Variants in ADGRL2 observed in about 807,000 individuals in gnomAD.
ADGRL2 encodes the protein calcium-independent alpha-latrotoxin receptor 2.
Under a neutral mutation model 157.4 loss-of-function variants are expected in ADGRL2, and 44 were observed. The observed-to-expected ratio is 0.28, with a 90% confidence interval of 0.22 to 0.36. The LOEUF is 0.36. Among genes scored for constraint, ADGRL2 ranks in the 10% least tolerant of loss-of-function variants. The pLI, the probability that ADGRL2 is intolerant of heterozygous loss-of-function variation, is 1.00. For synonymous variants in ADGRL2, 585 were observed against 624.7 expected (o/e 0.94, Z 0.95); for missense variants, 1,510 against 1,768.9 (o/e 0.85, Z 2.63).
At chr1:81,576,345 CTT>C (rs2080797626) in intron 2 of ADGRL2, among the ~76,000 whole-genome samples, 1 of 152,114 alleles carries the variant, frequency 6.6e-6, no homozygotes, top group Non-Finnish European at 1.5e-5. Context: ...TTCTTTCTCT[CTT>C]TATTTATTTT....
At chr1:81,328,162 G>A (rs1374368717) in intron 1 of ADGRL2, among the ~76,000 whole-genome samples, 2 of 152,174 alleles carry the variant, frequency 1.3e-5, no homozygotes, top group African/African-American at 4.8e-5. Context: ...CCTTTCAGAA[G>A]AGACTGAGTG....
At chr1:81,887,982 G>A (rs916175932) in intron 2 of ADGRL2, among the ~76,000 whole-genome samples, 3 of 151,976 alleles carry the variant, frequency 2.0e-5, no homozygotes, top group African/African-American at 7.3e-5. Flanking sequence ...TGGATACTTT[G>A]GCTGTGGCTA....
intron 2 of ADGRL2, among the ~76,000 whole-genome samples, chr1:81,564,979 T>C (rs2080526942): frequency 6.6e-6 from 1 of 152,112 alleles, no homozygotes. Context: ...TGATAAGGAG[T>C]CATCTAGCAC....
At chr1:81,697,908 T>C (rs948798109), upstream of ADGRL2, among the ~76,000 whole-genome samples, 1 of 152,156 alleles carries the variant, frequency 6.6e-6, no homozygotes, top group Admixed American at 6.5e-5. Flanking sequence ...AAGGCAGGCA[T>C]CAGTACCCAT....
intron 1 of ADGRL2, among the ~76,000 whole-genome samples, chr1:81,727,305 T>A (rs2084563946): frequency 6.6e-6 from 1 of 152,190 alleles, no homozygotes; most frequent in African/African-American, 2.4e-5. Flanking sequence ...AAATAAAAAT[T>A]ATCTATAATC....
At chr1:81,385,043 C>T (rs1042002396) in intron 1 of ADGRL2, among the ~76,000 whole-genome samples, 3 of 152,110 alleles carry the variant, frequency 2.0e-5, no homozygotes, top group Middle Eastern at 3.2e-3. Context: ...GTTCTACATA[C>T]GTTGCCTGTA....
At chr1:81,519,805 G>C (rs1469134630) in intron 2 of ADGRL2, among the ~76,000 whole-genome samples, 2 of 151,938 alleles carry the variant, frequency 1.3e-5, no homozygotes, top group Non-Finnish European at 2.9e-5. Flanking sequence ...CTTCTTTATT[G>C]CCAAGGAGCC....
At chr1:81,367,253 T>A (rs567913882) in intron 1 of ADGRL2, among the ~76,000 whole-genome samples, 15 of 152,312 alleles carry the variant, frequency 9.8e-5, no homozygotes, top group African/African-American at 3.6e-4. Flanking sequence ...ATATGCAGAA[T>A]GTGCAGGTTT....
intron 1 of ADGRL2, among the ~76,000 whole-genome samples, chr1:81,400,483 G>A (rs938156069): frequency 6.6e-6 from 1 of 152,106 alleles, no homozygotes; most frequent in Non-Finnish European, 1.5e-5. Context: ...GAACAGTACT[G>A]GGCCAACTCT....
intron 2 of ADGRL2, among the ~76,000 whole-genome samples, chr1:81,767,901 G>A (rs954501961): frequency 2.0e-5 from 3 of 149,732 alleles, no homozygotes; most frequent in African/African-American, 7.4e-5. Context: ...GGGTCATGGA[G>A]TATGAAAAAT....
At chr1:81,311,436 A>G (rs973680437) in intron 1 of ADGRL2, among the ~76,000 whole-genome samples, 3 of 152,050 alleles carry the variant, frequency 2.0e-5, no homozygotes, top group Non-Finnish European at 2.9e-5. Flanking sequence ...CATGGGTCAT[A>G]TTCTTGTATT....
intron 3 of ADGRL2, among the ~76,000 whole-genome samples, chr1:81,608,789 C>T (rs555901272): frequency 3.8e-4 from 58 of 152,264 alleles, no homozygotes; most frequent in African/African-American, 1.3e-3. Flanking sequence ...CCTCATTCTT[C>T]TCCCCAATAT....
chr1:81,895,684 C>A (rs1332464398), intron 2 of ADGRL2, among the ~76,000 whole-genome samples: 2 of 151,982 alleles, frequency 1.3e-5, no homozygotes, highest in East Asian at 3.9e-4. Flanking sequence ...CGTGAGCCAC[C>A]GCCCCAGACC....
intron 3 of ADGRL2, among the ~76,000 whole-genome samples, chr1:81,670,462 G>A (rs893075217): frequency 3.3e-5 from 5 of 152,112 alleles, no homozygotes; most frequent in Non-Finnish European, 4.4e-5. Flanking sequence ...TGTCATTGAC[G>A]GACTCCTCTG....
At chr1:81,472,858 G>C (rs2101876353) in intron 2 of ADGRL2, among the ~76,000 whole-genome samples, 1 of 152,148 alleles carries the variant, frequency 6.6e-6, no homozygotes, top group East Asian at 1.9e-4. Context: ...CTGCAAGTTG[G>C]TAACATTTTA....
chr1:81,870,243 A>G (rs1161625869), intron 2 of ADGRL2, among the ~76,000 whole-genome samples: 1 of 152,000 alleles, frequency 6.6e-6, no homozygotes, highest in East Asian at 1.9e-4. Flanking sequence ...ACTCCTAATT[A>G]CATAAATTGA....
intron 3 of ADGRL2, among the ~76,000 whole-genome samples, chr1:81,912,675 A>G (rs1018389088): frequency 7.2e-5 from 11 of 152,306 alleles, no homozygotes; most frequent in African/African-American, 2.4e-4. Flanking sequence ...TGCCATAAAA[A>G]AAAACGGAAC....
chr1:81,455,605 T>C (rs1266782562), intron 2 of ADGRL2, among the ~76,000 whole-genome samples: 3 of 152,206 alleles, frequency 2.0e-5, no homozygotes, highest in Non-Finnish European at 4.4e-5. Context: ...TTCTGCTTAT[T>C]TGTTTTTTAT....
At chr1:81,889,760 G>C (rs892661893) in intron 2 of ADGRL2, among the ~76,000 whole-genome samples, 1 of 152,198 alleles carries the variant, frequency 6.6e-6, no homozygotes, top group Non-Finnish European at 1.5e-5. Context: ...TCTGGCTTCA[G>C]AGTTTCAAAG....
Sources: gnomAD v4.1 joint callset for allele counts (sites outside exome capture counted in the v4.1 genomes callset) on GRCh38, gnomAD v4.1.1 for gene constraint, MANE v1.5 for transcripts, NCBI Gene and HGNC (gene_info 2026-07-23, HGNC 2026-07-21) for gene names.